Variants in FBLN1 observed in about 807,000 individuals in gnomAD.
FBLN1 encodes the protein fibulin-1.
In FBLN1, 34 loss-of-function variants were observed where a neutral mutation model predicts 89.7. That is an observed-to-expected ratio of 0.38 (90% CI 0.29 to 0.50). The LOEUF is 0.50. Ranked by LOEUF, FBLN1 falls within the 20% of genes least tolerant of loss-of-function variation. The pLI, the probability that FBLN1 is intolerant of heterozygous loss-of-function variation, is 0.92. For missense variants in FBLN1, 777 were observed against 988.1 expected (o/e 0.79, Z 2.86); for synonymous variants, 393 against 391.3 (o/e 1.00, Z -0.05).
At chr22:45,504,616 G>T (rs759222989) in intron 1 of FBLN1, among the ~76,000 whole-genome samples, 1 of 152,116 alleles carries the variant, frequency 6.6e-6, no homozygotes. Context: ...GAAGCTGAGG[G>T]CCTGAGAGAA....
chr22:45,569,826 A>G (rs760941776), intron 14 of FBLN1, among the ~76,000 whole-genome samples: 1 of 152,154 alleles, frequency 6.6e-6, no homozygotes, highest in East Asian at 1.9e-4. Context: ...CTTCAGAACC[A>G]TGAGACAATC....
At chr22:45,589,047 T>G (rs1032402912) in intron 16 of FBLN1, among the ~76,000 whole-genome samples, 1 of 148,794 alleles carries the variant, frequency 6.7e-6, no homozygotes, top group Non-Finnish European at 1.5e-5. Context: ...GGCACTCTTC[T>G]GGGCATATAT....
intron 1 of FBLN1, among the ~76,000 whole-genome samples, chr22:45,509,936 A>G (rs2088075990): frequency 6.6e-6 from 1 of 152,176 alleles, no homozygotes; most frequent in Non-Finnish European, 1.5e-5. Flanking sequence ...GGAGGCACAC[A>G]GGATGAAGCC....
chr22:45,508,874 C>T (rs2088061139), intron 1 of FBLN1, among the ~76,000 whole-genome samples: 1 of 152,136 alleles, frequency 6.6e-6, no homozygotes, highest in East Asian at 1.9e-4. Context: ...ACTCATGGCA[C>T]TAAGTACAGA....
chr22:45,586,628 C>T (rs1483529288), intron 16 of FBLN1, among the ~76,000 whole-genome samples: 1 of 152,222 alleles, frequency 6.6e-6, no homozygotes, highest in African/African-American at 2.4e-5. Context: ...TTCCATCTCC[C>T]GTGCCTGCTT....
At chr22:45,585,930 C>T (rs966294778) in intron 16 of FBLN1, among the ~76,000 whole-genome samples, 2 of 152,176 alleles carry the variant, frequency 1.3e-5, no homozygotes, top group Non-Finnish European at 2.9e-5. Flanking sequence ...CCCAATTCCC[C>T]AGATACCAAA....
chr22:45,560,097 A>G (rs759300366), intron 14 of FBLN1, among the ~76,000 whole-genome samples: 3 of 151,096 alleles, frequency 2.0e-5, no homozygotes, highest in Non-Finnish European at 4.4e-5. Context: ...TAATTAGCCA[A>G]TGCCAGAGCT....
intron 16 of FBLN1, among the ~76,000 whole-genome samples, chr22:45,599,210 A>G (rs1446291225): frequency 6.6e-6 from 1 of 152,188 alleles, no homozygotes; most frequent in Non-Finnish European, 1.5e-5. Context: ...ACCCTGGTAC[A>G]GGCAGAGCTC....
chr22:45,559,289 G>A lies in FBLN1; in HGVS notation c.1697+8674G>A, dbSNP rs370711251. The stretch of plus-strand genomic sequence containing the variant: ...GTTAAACTTACGATAATCCGCTGCC[G>A]TTCACCAAGATCCATCTGTCTTCTG... On this transcript the variant is annotated intron_variant, in intron 14 of 16. Transcript: ENST00000327858. 1.4e-4 allele frequency among the ~76,000 whole-genome samples: 21 copies of A among 152,306 alleles called. No homozygotes were observed. The South Asian group carries it at 1.7e-3, about 12-fold the overall frequency.
chr22:45,568,608 A>AGGGC (rs1569260227), intron 14 of FBLN1, among the ~76,000 whole-genome samples: 1 of 46,554 alleles, frequency 2.1e-5, no homozygotes, highest in African/African-American at 6.7e-5. Context: ...CTCCTTCTGT[A>AGGGC]AGGGAATGCT....
chr22:45,567,830 AGAAC>A (rs1449883147), intron 14 of FBLN1, among the ~76,000 whole-genome samples: 1 of 152,218 alleles, frequency 6.6e-6, no homozygotes, highest in Non-Finnish European at 1.5e-5. Flanking sequence ...AAACAGTGGC[AGAAC>A]CCCAAAATAA....
Position 45,536,266 on chromosome 22 carries a change from G to T in FBLN1, c.922+929G>T, listed in dbSNP as rs2088481182. On this transcript the variant is annotated intron_variant, in intron 8 of 16. Transcript: ENST00000327858. The surrounding 1 kb of genome is among the most constrained non-coding windows in gnomAD (Gnocchi z 5.1). ...GTAGAATGGAAGGTGCCGGGGCTGG[G>T]CAGGGTGGGGGATGGGGAGTGAGTG... Among the ~76,000 whole-genome samples the T allele has an allele frequency of 6.6e-6, 1 of 152,186 alleles. No homozygotes were observed.
chr22:45,581,670 C>T lies in FBLN1; in HGVS notation c.1972+4562C>T, dbSNP rs1307670140. ...CTTTGTAGTTTTTTGCAGGCCAGCC[C>T]CTCCTGTCGCACGGGCATGACCATG... On this transcript the variant is annotated intron_variant, in intron 16 of 16. Transcript: ENST00000327858. This position sits in a 1 kb window ranked among gnomAD's most constrained non-coding sequence, Gnocchi z 7.6. Among the ~76,000 whole-genome samples the T allele has an allele frequency of 6.6e-6, 1 of 152,102 alleles. No homozygotes were observed. The highest frequency in any genetic ancestry group is 2.4e-5 in the African/African-American group (1 of 41,428).
In FBLN1 at chr22:45,532,617, C is replaced by T. The variant is rs1414670893; in HGVS notation, c.545-446C>T. On this transcript the variant is annotated intron_variant, in intron 5 of 16. Coordinates refer to ENST00000327858, the MANE Select transcript of FBLN1 (RefSeq NM_006486.3). The surrounding 1 kb of genome is among the most constrained non-coding windows in gnomAD (Gnocchi z 4.2). ...CCAGGTAGGAGGCTGTGGCCACAGC[C>T]AGGTGGGCAGCTGCAGGAACTGAGG... 6.6e-6 allele frequency among the ~76,000 whole-genome samples: 1 copy of T among 152,094 alleles called. No individual in the cohort carries two copies. Among genetic ancestry groups the T allele is most frequent in the East Asian group, 1.9e-4 (1 of 5,188 alleles).
At chr22:45,528,459 C>T (rs142263361) in intron 4 of FBLN1, among the ~76,000 whole-genome samples, 3,507 of 152,184 alleles carry the variant, frequency 0.023, 59 homozygotes, top group Non-Finnish European at 0.039. Context: ...ATTCTTGTGC[C>T]TCAGCCTCCC....
chr22:45,584,991 A>G (rs2089072533), intron 16 of FBLN1, among the ~76,000 whole-genome samples: 1 of 152,224 alleles, frequency 6.6e-6, no homozygotes, highest in South Asian at 2.1e-4. Context: ...ACAAATCTAC[A>G]TCCAAGCTAC....
chr22:45,563,400 GTC>G lies in FBLN1; in HGVS notation c.1698-11109_1698-11108del. 1 of 1,524,216 alleles carries G rather than the reference GTC, an allele frequency of 6.6e-7. No homozygotes were observed. Among genetic ancestry groups the G allele is most frequent in the Non-Finnish European group, 8.8e-7 (1 of 1,139,866 alleles). 94.4% of individuals were successfully genotyped at this position (1,524,216 alleles called of 1,614,324 possible). A position where few individuals can be genotyped will look rare whatever the true frequency, so the allele number is the denominator to read the frequency against. ...TTGGTTTTATTTGGCATGGTTGGGA[GTC>G]TGTGCCGCTTGTTACCCGGGGGTGA... is the stretch of plus-strand genomic sequence containing the variant. On this transcript the variant is annotated intron_variant, in intron 14 of 16. Transcript: ENST00000327858. The surrounding 1 kb of genome is among the most constrained non-coding windows in gnomAD (Gnocchi z 5.7).
In FBLN1 at chr22:45,530,086, TTA is replaced by T; in HGVS notation, c.485-1178_485-1177del. On this transcript the variant is annotated intron_variant, in intron 4 of 16. Coordinates refer to ENST00000327858, the MANE Select transcript of FBLN1 (RefSeq NM_006486.3). This position sits in a 1 kb window ranked among gnomAD's most constrained non-coding sequence, Gnocchi z 5.4. Reference sequence around the variant, plus strand: ...GGGACTCATCTTTCACTTATTGTTCTTAGTTTTTCAAGTCCAGGGCCCCATGG... The same window carrying T: ...GGGACTCATCTTTCACTTATTGTTCTGTTTTTCAAGTCCAGGGCCCCATGG... Among the ~76,000 whole-genome samples the T allele has an allele frequency of 9.1e-6, 1 of 109,786 alleles. No homozygotes were observed. The highest frequency in any genetic ancestry group is 4.7e-5 in the African/African-American group (1 of 21,156). The allele number at this position is 109,786 out of a possible 152,430, so 72.0% of individuals were successfully genotyped here. A position where few individuals can be genotyped will look rare whatever the true frequency, so the allele number is the denominator to read the frequency against.
chr22:45,589,540 G>A (rs1355869527), intron 16 of FBLN1, among the ~76,000 whole-genome samples: 2 of 152,238 alleles, frequency 1.3e-5, no homozygotes, highest in African/African-American at 2.4e-5. Flanking sequence ...AGCCTGGGGG[G>A]GCTCTGTGCC....
Sources: gnomAD v4.1 joint callset for allele counts (sites outside exome capture counted in the v4.1 genomes callset) on GRCh38, gnomAD v4.1.1 for gene constraint, Gnocchi (gnomAD v3.1) non-coding constraint, MANE v1.5 for transcripts, NCBI Gene and HGNC (gene_info 2026-07-23, HGNC 2026-07-21) for gene names.